Variants in FAM81A observed in about 807,000 individuals in gnomAD.
The protein encoded by FAM81A is family with sequence similarity 81 member A.
Under a neutral mutation model 46.7 loss-of-function variants are expected in FAM81A, and 19 were observed. The ratio of observed to expected loss-of-function variants is 0.41; its 90% CI spans 0.28 to 0.60. The LOEUF (loss-of-function observed/expected upper bound fraction) is 0.60. Among genes scored for constraint, FAM81A ranks in the 20% least tolerant of loss-of-function variants. The pLI, the probability that FAM81A is intolerant of heterozygous loss-of-function variation, is 0.34. For missense variants in FAM81A, 377 were observed against 453.5 expected, an observed-to-expected ratio of 0.83 and a Z score of 1.53; for synonymous variants, 183 against 152.9, an observed-to-expected ratio of 1.20 and a Z score of -1.45.
intron 3 of FAM81A, among the ~76,000 whole-genome samples, chr15:59,469,863 C>G (rs977825627): frequency 2.0e-5 from 3 of 152,096 alleles, no homozygotes; most frequent in Admixed American, 6.5e-5. Flanking sequence ...CCGGTTGTTC[C>G]TTTCCATGTT....
chr15:59,496,596 C>G (rs1252346642), intron 4 of FAM81A, among the ~76,000 whole-genome samples: 1 of 151,774 alleles, frequency 6.6e-6, no homozygotes, highest in Non-Finnish European at 1.5e-5. Context: ...CATAGCAAGA[C>G]TCTATCTCAA....
chr15:59,426,561 G>C (rs926027984), intron 2 of FAM81A, among the ~76,000 whole-genome samples: 1 of 152,228 alleles, frequency 6.6e-6, no homozygotes, highest in Non-Finnish European at 1.5e-5. Flanking sequence ...GCGGTGAACC[G>C]AGATTGCGCC....
intron 1 of FAM81A, among the ~76,000 whole-genome samples, chr15:59,441,628 G>C (rs1417169126): frequency 6.6e-6 from 1 of 152,178 alleles, no homozygotes; most frequent in Admixed American, 6.5e-5. Context: ...TCTGGCATAG[G>C]TGTCCTGGCT....
chr15:59,458,685 A>G, intron 2 of FAM81A, 39 bp downstream of exon 2: 1 of 1,566,404 alleles, frequency 6.4e-7, no homozygotes, highest in Non-Finnish European at 8.8e-7. Context: ...GGGGGCTGCT[A>G]GTGGGTGTGA....
At chr15:59,515,350 T>C (rs73417099) in intron 7 of FAM81A, among the ~76,000 whole-genome samples, 3,739 of 152,346 alleles carry the variant, frequency 0.025, 152 homozygotes, top group African/African-American at 0.086. Context: ...TAGCATGACA[T>C]CTCTGTCTCC....
chr15:59,518,248 G>A (rs2082288172), intron 8 of FAM81A, among the ~76,000 whole-genome samples: 1 of 151,526 alleles, frequency 6.6e-6, no homozygotes. Context: ...GAAGTGCTGG[G>A]ATTACAGGCA....
At chr15:59,439,760 G>C (rs914638216) in intron 1 of FAM81A, among the ~76,000 whole-genome samples, 1 of 152,088 alleles carries the variant, frequency 6.6e-6, no homozygotes, top group South Asian at 2.1e-4. Context: ...AAAATACTTA[G>C]TGTCCAGGAA....
At position 59,460,519 on chromosome 15, in the gene FAM81A, A is replaced by G; in HGVS notation, c.294+313A>G. On this transcript the variant is annotated intron_variant, in intron 3 of 8. Transcript: ENST00000288228. This position sits in a 1 kb window ranked among gnomAD's most constrained non-coding sequence, Gnocchi z 4.4. ...AGAACTAGTCGAATAGTTTCACTCT[A>G]TAATCTTTCATATCTTTGAAGACAG... is the stretch of plus-strand genomic sequence containing the variant. The G allele has an allele frequency of 2.4e-6, 1 of 418,142 alleles. No homozygotes were observed. The highest frequency in any genetic ancestry group is 5.4e-5 in the East Asian group (1 of 18,356). 25.9% of individuals were successfully genotyped at this position (418,142 alleles called of 1,614,324 possible). A position where few individuals can be genotyped will look rare whatever the true frequency, so the allele number is the denominator to read the frequency against.
At chr15:59,514,670 C>G (rs1410826248) in intron 7 of FAM81A, among the ~76,000 whole-genome samples, 1 of 152,160 alleles carries the variant, frequency 6.6e-6, no homozygotes, top group African/African-American at 2.4e-5. Context: ...TGAAGTTAAG[C>G]TAAAACCTTA....
intron 7 of FAM81A, among the ~76,000 whole-genome samples, chr15:59,515,906 C>T (rs2082261110): frequency 3.3e-5 from 5 of 152,178 alleles, no homozygotes; most frequent in Admixed American, 1.3e-4. Flanking sequence ...GATAGCTTCT[C>T]AGTCCTCAGT....
chr15:59,509,669 C>G (rs182129609), intron 6 of FAM81A, among the ~76,000 whole-genome samples: 28 of 152,160 alleles, frequency 1.8e-4, no homozygotes, highest in African/African-American at 6.7e-4. Flanking sequence ...GAGTGAGAGG[C>G]CTGGTTGTGG....
intron 3 of FAM81A, among the ~76,000 whole-genome samples, chr15:59,469,351 C>G (rs1248654707): frequency 2.6e-5 from 4 of 152,130 alleles, no homozygotes; most frequent in Admixed American, 2.6e-4. Flanking sequence ...GTCTAAGTCT[C>G]TTTGTAGGTC....
At chr15:59,409,035 T>C (rs970042598) in intron 2 of FAM81A, 1 of 152,180 alleles carries the variant, frequency 6.6e-6, no homozygotes, top group Non-Finnish European at 1.5e-5. Flanking sequence ...TTTAATAAAA[T>C]TTTAAAAATT....
At chr15:59,414,621 C>T (rs2141543362) in intron 2 of FAM81A, among the ~76,000 whole-genome samples, 1 of 152,144 alleles carries the variant, frequency 6.6e-6, no homozygotes, top group African/African-American at 2.4e-5. Flanking sequence ...TGATGAAACT[C>T]CTGAGGAGGG....
At chr15:59,412,663 G>T (rs1052185717) in intron 2 of FAM81A, among the ~76,000 whole-genome samples, 12 of 151,824 alleles carry the variant, frequency 7.9e-5, no homozygotes, top group Non-Finnish European at 1.5e-5. Flanking sequence ...GGAGGTTGAG[G>T]CTGCAGTGAG....
At chr15:59,450,103 CT>C (rs56862038) in intron 1 of FAM81A, among the ~76,000 whole-genome samples, 72 of 126,256 alleles carry the variant, frequency 5.7e-4, no homozygotes, top group Non-Finnish European at 8.3e-4. Flanking sequence ...TTCTTTCTTT[CT>C]TTTTTTTTTT....
chr15:59,474,721 G>A (rs1170326143), intron 3 of FAM81A, among the ~76,000 whole-genome samples: 1 of 152,194 alleles, frequency 6.6e-6, no homozygotes, highest in African/African-American at 2.4e-5. Flanking sequence ...AGGACTAGAA[G>A]AGACTATGAG....
upstream of FAM81A, among the ~76,000 whole-genome samples, chr15:59,435,209 C>A (rs1353181974): frequency 6.6e-6 from 1 of 151,958 alleles, no homozygotes; most frequent in Non-Finnish European, 1.5e-5. Flanking sequence ...ATTGCTTGAA[C>A]CCGGGAGGCA....
intron 3 of FAM81A, among the ~76,000 whole-genome samples, chr15:59,468,182 G>A (rs2081639327): frequency 6.6e-6 from 1 of 152,010 alleles, no homozygotes; most frequent in Non-Finnish European, 1.5e-5. Context: ...TTTTTGTTGT[G>A]TCTCTGCCAG....
Sources: allele counts gnomAD v4.1 joint callset (sites outside exome capture counted in the v4.1 genomes callset), GRCh38; gene constraint gnomAD v4.1.1; non-coding constraint Gnocchi (gnomAD v3.1); transcripts MANE v1.5; gene names NCBI Gene and HGNC (gene_info 2026-07-23, HGNC 2026-07-21).